Variants in NUP37 observed in about 807,000 individuals in gnomAD.
NUP37 encodes nucleoporin 37, also known as nucleoporin Nup37.
In NUP37, 33 loss-of-function variants were observed where a neutral mutation model predicts 45.4. The observed-to-expected ratio is 0.73, with a 90% CI of 0.55 to 0.97. The LOEUF (loss-of-function observed/expected upper bound fraction) is 0.97. NUP37 is among the 50% of genes least tolerant of loss of function. The pLI, the probability that NUP37 is intolerant of heterozygous loss-of-function variation, is 0.00. For synonymous variants in NUP37, 127 were observed against 130.7 expected (o/e 0.97, Z 0.19); for missense variants, 365 against 389.7 (o/e 0.94, Z 0.53).
chr12:102,113,744 A>C (rs1284355539), intron 2 of NUP37, among the ~76,000 whole-genome samples: 2 of 152,194 alleles, frequency 1.3e-5, no homozygotes, highest in Non-Finnish European at 2.9e-5. Flanking sequence ...TTGATATTTA[A>C]TGAAATACGT....
intron 2 of NUP37, among the ~76,000 whole-genome samples, chr12:102,116,420 T>C (rs1383905012): frequency 6.6e-6 from 1 of 152,218 alleles, no homozygotes; most frequent in African/African-American, 2.4e-5. Context: ...CCTCAGTCTT[T>C]TTCAAGTACG....
chr12:102,102,208 G>C (rs1214038947), intron 3 of NUP37, among the ~76,000 whole-genome samples: 1 of 152,168 alleles, frequency 6.6e-6, no homozygotes. Context: ...TTTGAGTACA[G>C]TGAGCCATTT....
In NUP37 at chr12:102,118,294, T is replaced by C. The variant is rs962987889; in HGVS notation, c.156+69A>G. ...CTCAATATACTTTCAAAGTTTAGAT[T>C]TGGTTTGTGTAAGTTCTCTTAGTAG... On this transcript the variant is annotated intron_variant, in intron 2 of 9. Transcript: ENST00000552283. The C allele has an allele frequency of 5.7e-6, 8 of 1,406,502 alleles. No homozygotes were observed. In the African/African-American group the frequency reaches 5.8e-5, roughly 10 times the overall value. The allele number at this position is 1,406,502 out of a possible 1,614,324, so 87.1% of individuals were successfully genotyped here. A position where few individuals can be genotyped will look rare whatever the true frequency, so the allele number is the denominator to read the frequency against.
At chr12:102,084,311 T>A (rs1364320568) in intron 6 of NUP37, among the ~76,000 whole-genome samples, 1 of 152,186 alleles carries the variant, frequency 6.6e-6, no homozygotes, top group Non-Finnish European at 1.5e-5. Context: ...GAAACTTATC[T>A]TCTCATGCAA....
At chr12:102,114,476 C>T (rs887882106) in intron 2 of NUP37, among the ~76,000 whole-genome samples, 1 of 152,084 alleles carries the variant, frequency 6.6e-6, no homozygotes, top group Non-Finnish European at 1.5e-5. Flanking sequence ...GAGACAAATG[C>T]TATTTTGGAT....
intron 5 of NUP37, 134 bp downstream of exon 5, chr12:102,098,972 T>C (rs1879894100): frequency 1.4e-5 from 10 of 702,434 alleles, no homozygotes; most frequent in Non-Finnish European, 2.3e-5. Flanking sequence ...ATACCTACAG[T>C]TCAAATAAGG....
rs1879673323 is a variant in NUP37 at position 102,092,123 on chromosome 12, T to G, written c.450-6267A>C. On this transcript the variant is annotated intron_variant, in intron 5 of 9. Coordinates refer to ENST00000552283, the MANE Select transcript of NUP37 (RefSeq NM_024057.4). Reference sequence around the variant, plus strand: ...CAGGAATATTCTGTAATATTCTGTTTATTTGTTCATTCTCCATTTTTAACA... The same window carrying G: ...CAGGAATATTCTGTAATATTCTGTTGATTTGTTCATTCTCCATTTTTAACA... 2.6e-5 allele frequency among the ~76,000 whole-genome samples: 4 copies of G among 152,230 alleles called. 1 individual carries two copies. The highest frequency in any genetic ancestry group is 2.0e-4 in the Admixed American group (3 of 15,286).
At chr12:102,101,630 G>A (rs1879974289) in intron 3 of NUP37, among the ~76,000 whole-genome samples, 1 of 152,052 alleles carries the variant, frequency 6.6e-6, no homozygotes, top group Admixed American at 6.6e-5. Context: ...CCTACTAAAA[G>A]CTGGAGTATT....
chr12:102,117,068 A>T (rs977135868), intron 2 of NUP37, among the ~76,000 whole-genome samples: 2 of 152,218 alleles, frequency 1.3e-5, no homozygotes, highest in Non-Finnish European at 2.9e-5. Context: ...TATAATAACT[A>T]TCACTTTAGT....
intron 6 of NUP37, among the ~76,000 whole-genome samples, chr12:102,084,300 C>T (rs747929257): frequency 2.0e-5 from 3 of 152,114 alleles, no homozygotes; most frequent in Non-Finnish European, 4.4e-5. Flanking sequence ...TTATGATTAA[C>T]GAAACTTATC....
At chr12:102,108,647 G>A (rs1378767760) in intron 3 of NUP37, among the ~76,000 whole-genome samples, 2 of 152,084 alleles carry the variant, frequency 1.3e-5, no homozygotes, top group East Asian at 3.9e-4. Flanking sequence ...TTTTATACAT[G>A]CAAATAAAGG....
chr12:102,095,910 ATCTC>A (rs1430705085), intron 5 of NUP37, among the ~76,000 whole-genome samples: 1 of 151,992 alleles, frequency 6.6e-6, no homozygotes. Flanking sequence ...CAACTCATAA[ATCTC>A]TACAACTGTG....
At chr12:102,115,986 A>T (rs566100185) in intron 2 of NUP37, 4 of 168,072 alleles carry the variant, frequency 2.4e-5, no homozygotes, top group Non-Finnish European at 4.8e-5. Context: ...CTGATGCAGA[A>T]TATAATTTGT....
At chr12:102,117,194 C>T (rs775210135) in intron 2 of NUP37, among the ~76,000 whole-genome samples, 20 of 152,130 alleles carry the variant, frequency 1.3e-4, no homozygotes, top group Non-Finnish European at 2.5e-4. Context: ...GTGGCTCACA[C>T]CTGTAATCCC....
chr12:102,077,603 T>C, intron 6 of NUP37, 100 bp from the exon 7 acceptor site: 1 of 1,170,562 alleles, frequency 8.5e-7, no homozygotes, highest in Admixed American at 2.5e-5. Context: ...AATGTAAACA[T>C]TTGCAATATA....
At chr12:102,096,679 T>C (rs1272256777) in intron 5 of NUP37, among the ~76,000 whole-genome samples, 1 of 152,198 alleles carries the variant, frequency 6.6e-6, no homozygotes, top group Non-Finnish European at 1.5e-5. Context: ...TATGTGATAA[T>C]GTAAGAATAT....
intron 1 of NUP37, chr12:102,119,158 G>C (rs1186442291): frequency 6.6e-6 from 1 of 152,238 alleles, no homozygotes; most frequent in African/African-American, 2.4e-5. Context: ...CCACAGTTTA[G>C]GGATAGTTAT....
At chr12:102,107,693 A>C (rs2136749232) in intron 3 of NUP37, among the ~76,000 whole-genome samples, 1 of 152,324 alleles carries the variant, frequency 6.6e-6, no homozygotes, top group Middle Eastern at 3.4e-3. Context: ...TAGATCTACA[A>C]GTAGAAACTT....
chr12:102,119,184 G>A (rs1270585467), intron 1 of NUP37: 1 of 152,162 alleles, frequency 6.6e-6, no homozygotes, highest in East Asian at 1.9e-4. Flanking sequence ...AACGTGAAAA[G>A]GGCTATAATA....
Sources: allele counts gnomAD v4.1 joint callset (sites outside exome capture counted in the v4.1 genomes callset), GRCh38; gene constraint gnomAD v4.1.1; transcripts MANE v1.5; gene names NCBI Gene and HGNC (gene_info 2026-07-23, HGNC 2026-07-21).